MRTFB: variants seen among roughly 807,000 people sequenced by gnomAD.
MRTFB encodes the protein myocardin-related transcription factor B.
In MRTFB, 29 loss-of-function variants were observed where a neutral mutation model predicts 104.2. That is an observed-to-expected ratio of 0.28 (90% CI 0.21 to 0.38). The LOEUF (loss-of-function observed/expected upper bound fraction) is 0.38, where lower values mean the gene tolerates loss of function less well. Among genes scored for constraint, MRTFB ranks in the 10% least tolerant of loss-of-function variants. The pLI is 1.00. For missense variants in MRTFB, 1,270 were observed against 1,341.6 expected, an observed-to-expected ratio of 0.95 and a Z score of 0.83; for synonymous variants, 535 against 519.5, an observed-to-expected ratio of 1.03 and a Z score of -0.41.
At chr16:14,098,285 G>A (rs1405505644) in intron 2 of MRTFB, among the ~76,000 whole-genome samples, 1 of 152,174 alleles carries the variant, frequency 6.6e-6, no homozygotes, top group Non-Finnish European at 1.5e-5. Context: ...TAATAGATGT[G>A]TAGAAGTAGC....
At position 14,264,959 on chromosome 16, in the gene MRTFB, A is replaced by G. The variant is rs1328547102; in HGVS notation, c.*3515A>G. On this transcript the variant is annotated 3_prime_UTR_variant, in exon 17 of 17. Transcript: ENST00000571589. ...AGCCATAGCAGTTGACAAAACAGCT[A>G]TCCCCACAAGTGATGAGATAGTCCC... is the stretch of plus-strand genomic sequence containing the variant. The G allele has an allele frequency of 3.3e-5, 5 of 152,290 alleles. No individual in the cohort carries two copies. Among genetic ancestry groups the G allele is most frequent in the Admixed American group, 3.3e-4 (5 of 15,288 alleles). 9.4% of individuals were successfully genotyped at this position (152,290 alleles called of 1,614,324 possible). A position where few individuals can be genotyped will look rare whatever the true frequency, so the allele number is the denominator to read the frequency against.
chr16:14,019,935 G>T, the MRTFB span, among the ~76,000 whole-genome samples: 16 of 152,264 alleles, frequency 1.1e-4, no homozygotes, highest in Middle Eastern at 3.4e-3. Flanking sequence ...AATTGATTGC[G>T]GTTGAACTAT....
At chr16:14,036,271 AG>A in the MRTFB span, among the ~76,000 whole-genome samples, 4 of 104,730 alleles carry the variant, frequency 3.8e-5, no homozygotes, top group Non-Finnish European at 7.7e-5. Flanking sequence ...TATATATATA[AG>A]ATTTATATGT....
chr16:14,261,426 A>C lies in MRTFB; in HGVS notation c.3282A>C (p.Leu1094=). ...CTGACTTTCTAGACCCACAGGACCT[A>C]CCGCTGCCATGGGACTAACGTCACA... ...FSADFLDPQD[L]PLPWD is the part of the protein sequence containing the mutation. Residue 1094 remains leucine (L), a synonymous_variant, in exon 17 of 17, where the codon CTA becomes CTC. Coordinates refer to ENST00000571589, the MANE Select transcript of MRTFB (RefSeq NM_001308142.2). The C allele has an allele frequency of 6.2e-7, 1 of 1,602,358 alleles. No homozygotes were observed. Among genetic ancestry groups the C allele is most frequent in the Non-Finnish European group, 8.5e-7 (1 of 1,171,268 alleles).
At chr16:14,249,138 T>C in intron 13 of MRTFB, 57 bp downstream of exon 13, 9 of 1,576,392 alleles carry the variant, frequency 5.7e-6, no homozygotes, top group Non-Finnish European at 7.8e-6. Flanking sequence ...CCTCCGATCA[T>C]CCATTCAACA....
At chr16:14,074,629 C>T (rs2033926389) in intron 1 of MRTFB, among the ~76,000 whole-genome samples, 1 of 152,044 alleles carries the variant, frequency 6.6e-6, no homozygotes, top group Non-Finnish European at 1.5e-5. Flanking sequence ...AAATTGATGG[C>T]ATCTTAGAGT....
the MRTFB span, among the ~76,000 whole-genome samples, chr16:14,062,522 C>T: frequency 1.3e-5 from 2 of 152,140 alleles, no homozygotes; most frequent in Non-Finnish European, 2.9e-5. Context: ...GGCTGGCTTC[C>T]TGGGTTCTCC....
At chr16:14,242,042 A>AAT (rs1199436264) in intron 10 of MRTFB, among the ~76,000 whole-genome samples, 1 of 151,492 alleles carries the variant, frequency 6.6e-6, no homozygotes, top group African/African-American at 2.4e-5. Context: ...TACTACTTAC[A>AAT]ATGCGTTGTG....
In MRTFB at chr16:14,260,992, A is replaced by G. The variant is rs569991576; in HGVS notation, c.2848A>G (p.Asn950Asp). ...AGCCAGCATCACCACAATGCCAGTGAATACAGTGGTGTCCCGGCCACCACC... is the reference window on the plus strand; with the variant it reads ...AGCCAGCATCACCACAATGCCAGTGGATACAGTGGTGTCCCGGCCACCACC... The part of the protein sequence containing the change: ...VTASITTMPV[N>D]TVVSRPPPQV... The change falls in exon 17 of 17, where the codon AAT (asparagine) becomes GAT (aspartate). Residue 950 changes from asparagine to aspartate, a missense_variant. Asn to Asp is a conservative substitution (Grantham distance 23). Transcript: ENST00000571589. 14 of 1,614,080 alleles carry G rather than the reference A, an allele frequency of 8.7e-6. No homozygotes were observed. The highest frequency in any genetic ancestry group is 1.2e-5 in the Non-Finnish European group (14 of 1,180,036).
chr16:14,072,473 A>G (rs1297606355), intron 1 of MRTFB, among the ~76,000 whole-genome samples: 2 of 152,186 alleles, frequency 1.3e-5, no homozygotes, highest in Non-Finnish European at 2.9e-5. Flanking sequence ...AGGAGGAGCT[A>G]TTTCAAACAA....
At chr16:14,086,203 C>T (rs1421288629) in intron 2 of MRTFB, among the ~76,000 whole-genome samples, 3 of 152,160 alleles carry the variant, frequency 2.0e-5, no homozygotes, top group African/African-American at 7.2e-5. Flanking sequence ...TGTCCAGTAT[C>T]CTGTCTTTTA....
chr16:14,113,023 T>C (rs545643623), intron 2 of MRTFB, among the ~76,000 whole-genome samples: 14 of 152,362 alleles, frequency 9.2e-5, no homozygotes, highest in Admixed American at 3.9e-4. Context: ...TAGGTTATTA[T>C]GTCTTTATTT....
chr16:14,213,423 A>C, intron 5 of MRTFB, 122 bp from the exon 6 acceptor site: 1 of 599,652 alleles, frequency 1.7e-6, no homozygotes, highest in Non-Finnish European at 2.8e-6. Flanking sequence ...GCTAATTTCT[A>C]CTCTTCGTCT....
chr16:14,088,811 C>T (rs1374454483), intron 2 of MRTFB, among the ~76,000 whole-genome samples: 1 of 152,022 alleles, frequency 6.6e-6, no homozygotes, highest in South Asian at 2.1e-4. Flanking sequence ...CACATTTTTT[C>T]GTGAGGAAAA....
intron 3 of MRTFB, among the ~76,000 whole-genome samples, chr16:14,161,223 G>GC (rs1426445922): frequency 6.7e-6 from 1 of 149,236 alleles, no homozygotes; most frequent in Non-Finnish European, 1.5e-5. Context: ...GGTGAACAAA[G>GC]CCAGAGGACT....
At chr16:14,057,707 AC>A in the MRTFB span, among the ~76,000 whole-genome samples, 47 of 152,036 alleles carry the variant, frequency 3.1e-4, 1 homozygote, top group South Asian at 5.7e-3. Flanking sequence ...TCACTATGAA[AC>A]CCCGAGGAAT....
chr16:14,019,791 A>G, the MRTFB span, among the ~76,000 whole-genome samples: 10 of 151,972 alleles, frequency 6.6e-5, no homozygotes, highest in Non-Finnish European at 1.5e-4. Context: ...AACCCAAACC[A>G]CATGTTTGGG....
the MRTFB span, among the ~76,000 whole-genome samples, chr16:14,065,694 A>G: frequency 3.3e-5 from 5 of 152,214 alleles, no homozygotes; most frequent in East Asian, 7.7e-4. Flanking sequence ...GTAGCATGCT[A>G]TAATCACACC....
chr16:14,030,311 C>T, the MRTFB span, among the ~76,000 whole-genome samples: 332 of 152,294 alleles, frequency 2.2e-3, 2 homozygotes, highest in African/African-American at 7.2e-3. Context: ...TGCTGACTCC[C>T]GGCTCAGTGC....
Sources: allele counts gnomAD v4.1 joint callset (sites outside exome capture counted in the v4.1 genomes callset), GRCh38; gene constraint gnomAD v4.1.1; transcripts MANE v1.5; gene names NCBI Gene and HGNC (gene_info 2026-07-23, HGNC 2026-07-21).